The following ITGA1 variants were observed in gnomAD, a reference collection of about 807,000 sequenced individuals.
The protein encoded by ITGA1 is integrin alpha-1.
ITGA1 carries 85 observed loss-of-function variants against 145.9 expected under a neutral mutation model. The ratio of observed to expected loss-of-function variants is 0.58; its 90% CI spans 0.49 to 0.70. The LOEUF (loss-of-function observed/expected upper bound fraction) is 0.70. ITGA1 is among the 30% of genes least tolerant of loss of function. The probability of loss-of-function intolerance (pLI) is 0.00; values close to 1 mark genes in which losing one functional copy is unlikely to be tolerated. For missense variants in ITGA1, 1,351 were observed against 1,418.7 expected (o/e 0.95, Z 0.77); for synonymous variants, 520 against 495.3 (o/e 1.05, Z -0.66).
At chr5:52,874,152 A>C (rs1222766861) in intron 6 of ITGA1, among the ~76,000 whole-genome samples, 1 of 152,020 alleles carries the variant, frequency 6.6e-6, no homozygotes, top group African/African-American at 2.4e-5. Context: ...GCTTCTGGTG[A>C]GGGCCTTGCG....
chr5:52,867,457 CCTT>C (rs1325978302), intron 6 of ITGA1, among the ~76,000 whole-genome samples: 1 of 152,122 alleles, frequency 6.6e-6, no homozygotes, highest in East Asian at 1.9e-4. Flanking sequence ...TTGCAATTGA[CCTT>C]CTCAAGTGAA....
chr5:52,920,362 T>G lies in ITGA1; in HGVS notation c.2186T>G (p.Leu729Arg), dbSNP rs2111871791. The G allele has an allele frequency of 6.2e-7, 1 of 1,608,478 alleles. No individual in the cohort carries two copies. Among genetic ancestry groups the G allele is most frequent in the Non-Finnish European group, 8.5e-7 (1 of 1,177,772 alleles). The change falls in exon 17 of 29, where the codon CTA (leucine) becomes CGA (arginine). Residue 729 changes from leucine (L) to arginine (R), a missense_variant. Physicochemically the swap from Leu to Arg is moderately radical, Grantham distance 102. Transcript: ENST00000282588. ...CAGTACCGTGTCACCCTAGATTCACTAAGACAAATATCACGAAGTTTTTTC... is the reference window on the plus strand; with the variant it reads ...CAGTACCGTGTCACCCTAGATTCACGAAGACAAATATCACGAAGTTTTTTC... ...DLQYRVTLDS[L>R]RQISRSFFSG...
intron 2 of ITGA1, among the ~76,000 whole-genome samples, chr5:52,860,099 T>A (rs1749574941): frequency 6.6e-6 from 1 of 152,214 alleles, no homozygotes; most frequent in Non-Finnish European, 1.5e-5. Flanking sequence ...AAACTTTAGT[T>A]TATTTATGTT....
intron 2 of ITGA1, 53 bp downstream of exon 2, chr5:52,849,538 A>G: frequency 7.1e-7 from 1 of 1,415,542 alleles, no homozygotes; most frequent in Non-Finnish European, 9.5e-7. Flanking sequence ...AGGTAATGAG[A>G]AATATTATTT....
chr5:52,893,937 T>TTA, intron 9 of ITGA1, 97 bp downstream of exon 9: 1 of 788,946 alleles, frequency 1.3e-6, no homozygotes, highest in Non-Finnish European at 1.9e-6. Context: ...AGTAATACTT[T>TTA]TTTTTTTTTT....
intron 1 of ITGA1, among the ~76,000 whole-genome samples, chr5:52,843,821 C>A (rs920326567): frequency 3.9e-5 from 6 of 152,244 alleles, no homozygotes; most frequent in Admixed American, 3.9e-4. Context: ...ATTAATGCAA[C>A]CTGGCTTTTG....
chr5:52,857,312 G>T (rs1289208583), intron 2 of ITGA1, among the ~76,000 whole-genome samples: 1 of 151,984 alleles, frequency 6.6e-6, no homozygotes, highest in Non-Finnish European at 1.5e-5. Context: ...TCTCCTTCTG[G>T]ATCCACCCTG....
intron 6 of ITGA1, among the ~76,000 whole-genome samples, chr5:52,879,145 A>T (rs1199519171): frequency 6.6e-6 from 1 of 152,104 alleles, no homozygotes; most frequent in Non-Finnish European, 1.5e-5. Context: ...AGATGGCTAG[A>T]GGAAAGATTA....
intron 6 of ITGA1, among the ~76,000 whole-genome samples, chr5:52,874,177 T>C (rs1004652022): frequency 5.9e-5 from 9 of 151,924 alleles, no homozygotes; most frequent in Admixed American, 5.9e-4. Context: ...GGTCATAACA[T>C]GGTGGAGAAA....
chr5:52,902,221 G>C (rs1341800427), intron 11 of ITGA1: 1 of 152,182 alleles, frequency 6.6e-6, no homozygotes, highest in African/African-American at 2.4e-5. Flanking sequence ...AACTCAAGCT[G>C]TCAAACATCT....
intron 1 of ITGA1, among the ~76,000 whole-genome samples, chr5:52,815,437 G>C (rs928026945): frequency 1.3e-5 from 2 of 152,182 alleles, no homozygotes; most frequent in Non-Finnish European, 2.9e-5. Flanking sequence ...ATGTAACTGA[G>C]TATCTAGCAA....
chr5:52,897,362 C>G, intron 9 of ITGA1, 93 bp from the exon 10 acceptor site: 1 of 849,732 alleles, frequency 1.2e-6, no homozygotes, highest in Non-Finnish European at 1.9e-6. Context: ...GTTGGTAAGA[C>G]CACAAGCTCT....
chr5:52,839,479 T>G (rs1026011035), intron 1 of ITGA1, among the ~76,000 whole-genome samples: 5 of 152,242 alleles, frequency 3.3e-5, no homozygotes, highest in African/African-American at 1.2e-4. Flanking sequence ...GGTTACTGTC[T>G]TCTGCACACT....
intron 1 of ITGA1, among the ~76,000 whole-genome samples, chr5:52,818,249 T>A (rs1264380484): frequency 6.6e-6 from 1 of 152,152 alleles, no homozygotes; most frequent in Non-Finnish European, 1.5e-5. Context: ...AAAAAAATGG[T>A]ATGGTTCTCT....
chr5:52,824,186 G>A (rs1748922628), intron 1 of ITGA1: 1 of 151,666 alleles, frequency 6.6e-6, no homozygotes, highest in African/African-American at 2.4e-5. Flanking sequence ...AAATGCATTT[G>A]AATATGTACA....
intron 1 of ITGA1, among the ~76,000 whole-genome samples, chr5:52,790,022 T>C (rs1369708250): frequency 6.6e-6 from 1 of 152,226 alleles, no homozygotes; most frequent in Non-Finnish European, 1.5e-5. Context: ...ATGAGGGATC[T>C]GAAATTGGAC....
intron 3 of ITGA1, among the ~76,000 whole-genome samples, chr5:52,863,489 G>T (rs1311656429): frequency 6.7e-6 from 1 of 150,274 alleles, no homozygotes; most frequent in Non-Finnish European, 1.5e-5. Flanking sequence ...TGGGTTAGGG[G>T]TGGGGGACAA....
intron 21 of ITGA1, among the ~76,000 whole-genome samples, chr5:52,930,436 A>C (rs956555376): frequency 9.2e-5 from 14 of 152,202 alleles, no homozygotes; most frequent in African/African-American, 2.4e-4. Flanking sequence ...TAGTCACTGT[A>C]AGGAATATAA....
chr5:52,930,826 C>G (rs547416974), intron 21 of ITGA1, among the ~76,000 whole-genome samples: 1 of 152,164 alleles, frequency 6.6e-6, no homozygotes, highest in Non-Finnish European at 1.5e-5. Context: ...TATCATATTA[C>G]GCTAGGTACT....
Sources: gnomAD v4.1 joint callset for allele counts (sites outside exome capture counted in the v4.1 genomes callset) on GRCh38, gnomAD v4.1.1 for gene constraint, MANE v1.5 for transcripts, NCBI Gene and HGNC (gene_info 2026-07-23, HGNC 2026-07-21) for gene names.